The following RHPN2 variants were observed in gnomAD, a reference collection of about 807,000 sequenced individuals.
RHPN2 encodes the protein rhophilin Rho GTPase binding protein 2.
In RHPN2, 40 loss-of-function variants were observed where a neutral mutation model predicts 79.0. That is an observed-to-expected ratio of 0.51 (90% CI 0.39 to 0.66). RHPN2 has a LOEUF of 0.66. Among genes scored for constraint, RHPN2 ranks in the 30% least tolerant of loss-of-function variants. RHPN2 has a pLI of 0.00. For missense variants in RHPN2, 686 were observed against 883.5 expected (o/e 0.78, Z 2.83); for synonymous variants, 285 against 363.5 (o/e 0.78, Z 2.46).
chr19:33,046,831 G>A (rs189098456), intron 1 of RHPN2, among the ~76,000 whole-genome samples: 5 of 151,764 alleles, frequency 3.3e-5, no homozygotes, highest in Admixed American at 1.3e-4. Flanking sequence ...TATCTTCTTC[G>A]AAGAAATATC....
At position 32,996,111 on chromosome 19, in the gene RHPN2, G is replaced by C. The variant is rs763650342; in HGVS notation, c.1335C>G (p.Ala445=). 1.9e-6 allele frequency: 3 copies of C among 1,613,920 alleles called. No individual in the cohort carries two copies. The African/African-American group carries it at 4.0e-5, about 22-fold the overall frequency. ...SIEVLQKVLC[A]AQERSRLTYA... ...ACGTGAGCCGGGAGCGTTCCTGTGC[G>C]GCACACAGCACCTTCTGTAGCACCT... The change falls in exon 11 of 15, where the codon GCC becomes GCG. Residue 445 remains alanine, a synonymous_variant. Transcript: ENST00000254260.
At chr19:33,030,231 G>C (rs1599825573) in intron 2 of RHPN2, among the ~76,000 whole-genome samples, 1 of 152,146 alleles carries the variant, frequency 6.6e-6, no homozygotes, top group Non-Finnish European at 1.5e-5. Flanking sequence ...TAAGATACTG[G>C]AGGCTCAGCT....
chr19:32,982,235 C>T (rs1349790079), intron 14 of RHPN2, among the ~76,000 whole-genome samples: 1 of 151,806 alleles, frequency 6.6e-6, no homozygotes, highest in East Asian at 1.9e-4. Flanking sequence ...TGGTGAAACC[C>T]CATCTCTACT....
At chr19:33,044,107 C>G (rs914330311) in intron 2 of RHPN2, 142 bp downstream of exon 2, 1 of 454,402 alleles carries the variant, frequency 2.2e-6, no homozygotes, top group Non-Finnish European at 4.5e-6. Flanking sequence ...TTCAACATAA[C>G]CAAGCTATAG....
chr19:33,008,248 T>G, intron 6 of RHPN2, 68 bp from the exon 7 acceptor site: 1 of 1,464,892 alleles, frequency 6.8e-7, no homozygotes, highest in Non-Finnish European at 9.3e-7. Flanking sequence ...GTGGAAAAAA[T>G]TCTTTTTTTT....
chr19:33,005,667 C>T (rs568236987), intron 7 of RHPN2, among the ~76,000 whole-genome samples: 3 of 150,276 alleles, frequency 2.0e-5, no homozygotes, highest in South Asian at 4.2e-4. Flanking sequence ...TTTTGAGCTG[C>T]GAGCTCCATG....
chr19:33,025,311 TAAA>T (rs201499801), intron 3 of RHPN2, among the ~76,000 whole-genome samples: 1 of 130,858 alleles, frequency 7.6e-6, no homozygotes, highest in Non-Finnish European at 1.6e-5. Flanking sequence ...TGTCTCTACT[TAAA>T]AAAAAAAAAA....
intron 1 of RHPN2, among the ~76,000 whole-genome samples, chr19:33,059,167 A>G (rs1474334920): frequency 6.6e-6 from 1 of 151,726 alleles, no homozygotes; most frequent in African/African-American, 2.4e-5. Flanking sequence ...TGGCTCAGCC[A>G]CCCAATCAAT....
chr19:33,022,574 C>G (rs1971933682), intron 3 of RHPN2, among the ~76,000 whole-genome samples: 1 of 152,180 alleles, frequency 6.6e-6, no homozygotes. Context: ...CAGACACCCT[C>G]CACCTCCTCT....
intron 1 of RHPN2, among the ~76,000 whole-genome samples, chr19:33,047,536 G>A (rs748027095): frequency 1.3e-5 from 2 of 152,108 alleles, no homozygotes; most frequent in East Asian, 1.9e-4. Flanking sequence ...TGCCCACTGC[G>A]GTTACTCCCT....
chr19:33,051,104 GTC>G (rs1568326609), intron 1 of RHPN2, among the ~76,000 whole-genome samples: 1 of 152,120 alleles, frequency 6.6e-6, no homozygotes, highest in Non-Finnish European at 1.5e-5. Context: ...CGATTCTCCT[GTC>G]TCAGCCTCCT....
At chr19:32,998,578 T>G (rs1179887368) in intron 10 of RHPN2, among the ~76,000 whole-genome samples, 1 of 151,898 alleles carries the variant, frequency 6.6e-6, no homozygotes, top group East Asian at 1.9e-4. Flanking sequence ...AGCCAGGAGT[T>G]CGAGGCTGCA....
At chr19:33,013,016 C>T (rs1971847696) in intron 4 of RHPN2, among the ~76,000 whole-genome samples, 1 of 151,712 alleles carries the variant, frequency 6.6e-6, no homozygotes, top group African/African-American at 2.4e-5. Context: ...GCTGGGATTA[C>T]AGGCGCCCAC....
chr19:33,010,385 G>GGT (rs1555711729), intron 6 of RHPN2, among the ~76,000 whole-genome samples: 1 of 140,580 alleles, frequency 7.1e-6, no homozygotes, highest in East Asian at 2.1e-4. Flanking sequence ...TTTTTAGGTT[G>GGT]TTTTTTTTTT....
intron 7 of RHPN2, among the ~76,000 whole-genome samples, chr19:33,004,962 C>T (rs1599814354): frequency 6.6e-6 from 1 of 151,754 alleles, no homozygotes; most frequent in East Asian, 1.9e-4. Flanking sequence ...GCCTGCTCCC[C>T]ACAACTCCTG....
rs140863620 is a variant in RHPN2, at chr19:33,039,710, T to C, written c.185+4539A>G. On this transcript the variant is annotated intron_variant, in intron 2 of 14. Transcript: ENST00000254260. ...AAAATTAGCCGGGTATGATGGCGCA[T>C]GCTTGTAGTCCCAGCTACTCAGGAG... Among the ~76,000 whole-genome samples, 634 of 151,918 alleles carry C rather than the reference T, an allele frequency of 4.2e-3. 9 individuals carry two copies. The highest frequency in any genetic ancestry group is 0.014 in the African/African-American group (591 of 41,442).
chr19:33,024,160 G>C lies in RHPN2; in HGVS notation c.314+2344C>G, dbSNP rs368253940. On this transcript the variant is annotated intron_variant, in intron 3 of 14. Transcript: ENST00000254260. ...CGTTCAAAACTGCACAGGAGGCCGG[G>C]TGTGGTGGCTCATGACTAATCCCAG... Among the ~76,000 whole-genome samples the C allele has an allele frequency of 3.3e-5, 5 of 152,276 alleles. No individual in the cohort carries two copies. In the East Asian group the frequency reaches 7.7e-4, roughly 24 times the overall value.
intron 2 of RHPN2, among the ~76,000 whole-genome samples, chr19:33,032,734 G>A (rs1972023350): frequency 6.6e-6 from 1 of 152,130 alleles, no homozygotes; most frequent in African/African-American, 2.4e-5. Context: ...ACAAGGATTG[G>A]GGTGGGGGCG....
At chr19:33,010,974 T>C (rs10426956) in intron 6 of RHPN2, among the ~76,000 whole-genome samples, 176 of 152,310 alleles carry the variant, frequency 1.2e-3, no homozygotes, top group African/African-American at 4.0e-3. Flanking sequence ...TGAGCCACTG[T>C]ACCCGGCCTC....
Sources: gnomAD v4.1 joint callset for allele counts (sites outside exome capture counted in the v4.1 genomes callset) on GRCh38, gnomAD v4.1.1 for gene constraint, MANE v1.5 for transcripts, NCBI Gene and HGNC (gene_info 2026-07-23, HGNC 2026-07-21) for gene names.